The following ZNF362 variants were observed in gnomAD, a reference collection of about 807,000 sequenced individuals.
ZNF362 encodes zinc finger protein 362, also known as rotund homolog.
In ZNF362, 11 loss-of-function variants were observed where a neutral mutation model predicts 42.9. The observed-to-expected ratio is 0.26, with a 90% CI of 0.16 to 0.42. The LOEUF (loss-of-function observed/expected upper bound fraction) is 0.42. Among genes scored for constraint, ZNF362 ranks in the 20% least tolerant of loss-of-function variants. The probability of loss-of-function intolerance (pLI) is 1.00; values close to 1 mark genes in which losing one functional copy is unlikely to be tolerated. For synonymous variants in ZNF362, 255 were observed against 257.3 expected, an observed-to-expected ratio of 0.99 and a Z score of 0.09; for missense variants, 362 against 576.2, an observed-to-expected ratio of 0.63 and a Z score of 3.81.
At chr1:33,232,187 G>C in the ZNF362 span, among the ~76,000 whole-genome samples, 23 of 152,254 alleles carry the variant, frequency 1.5e-4, no homozygotes, top group Admixed American at 1.3e-3. Flanking sequence ...AGCCAATACT[G>C]GTCAATGGGA....
At chr1:33,158,746 C>T in the ZNF362 span, among the ~76,000 whole-genome samples, 1 of 152,194 alleles carries the variant, frequency 6.6e-6, no homozygotes, top group Non-Finnish European at 1.5e-5. Flanking sequence ...GATTTGGGGT[C>T]ACAGAGACCT....
chr1:33,135,180 T>C, the ZNF362 span, among the ~76,000 whole-genome samples: 1 of 152,148 alleles, frequency 6.6e-6, no homozygotes, highest in African/African-American at 2.4e-5. Flanking sequence ...ATCCCAGCTA[T>C]TTGGGAGGCT....
At chr1:33,186,674 C>T in the ZNF362 span, among the ~76,000 whole-genome samples, 43 of 144,296 alleles carry the variant, frequency 3.0e-4, no homozygotes, top group Non-Finnish European at 5.1e-4. Flanking sequence ...GGCGTGGTGG[C>T]GGGTGCTTGT....
At chr1:33,129,977 A>G in the ZNF362 span, among the ~76,000 whole-genome samples, 1 of 152,132 alleles carries the variant, frequency 6.6e-6, no homozygotes, top group Non-Finnish European at 1.5e-5. The surrounding 1 kb of genome is among the most constrained non-coding windows in gnomAD (Gnocchi z 4.1). Flanking sequence ...CTCCTGCCTC[A>G]GCCTCCCGAG....
At chr1:33,189,684 C>CGT in the ZNF362 span, among the ~76,000 whole-genome samples, 15 of 20,490 alleles carry the variant, frequency 7.3e-4, no homozygotes, top group Admixed American at 2.7e-3. Flanking sequence ...TATATATATA[C>CGT]GTATATATAT....
chr1:33,296,642 A>AG, intron 8 of ZNF362, among the ~76,000 whole-genome samples: 1 of 72,916 alleles, frequency 1.4e-5, no homozygotes, highest in Middle Eastern at 9.8e-3. Flanking sequence ...GAGGAGAAAG[A>AG]GGGGAAAGAA....
chr1:33,299,858 C>G lies in ZNF362; in HGVS notation c.*812C>G, dbSNP rs1646154270. ...CGGCTACCTCTCCCACCATCCCAGA[C>G]TGTGGGCAGGGGGATGGGGAGGGAG... On this transcript the variant is annotated 3_prime_UTR_variant, in exon 9 of 9. Transcript: ENST00000539719. 6.5e-6 allele frequency: 1 copy of G among 152,826 alleles called. No homozygotes were observed. Among genetic ancestry groups the G allele is most frequent in the African/African-American group, 2.4e-5 (1 of 41,462 alleles). 9.5% of individuals were successfully genotyped at this position (152,826 alleles called of 1,614,324 possible).
chr1:33,257,078 T>C (rs1645798260), intron 1 of ZNF362, among the ~76,000 whole-genome samples: 1 of 152,210 alleles, frequency 6.6e-6, no homozygotes, highest in East Asian at 1.9e-4. Context: ...GAGCAGCCAG[T>C]GCCGGATTTC....
intron 6 of ZNF362, among the ~76,000 whole-genome samples, chr1:33,288,139 A>G (rs766163945): frequency 6.6e-6 from 1 of 152,222 alleles, no homozygotes; most frequent in African/African-American, 2.4e-5. Flanking sequence ...CTTATAGTCT[A>G]TTATCCCCAT....
At chr1:33,210,311 C>G in the ZNF362 span, among the ~76,000 whole-genome samples, 3 of 152,090 alleles carry the variant, frequency 2.0e-5, no homozygotes, top group South Asian at 6.2e-4. Flanking sequence ...AATTTCTGTT[C>G]TTTTACATTT....
At chr1:33,277,630 T>G in intron 4 of ZNF362, among the ~76,000 whole-genome samples, 1 of 151,488 alleles carries the variant, frequency 6.6e-6, no homozygotes, top group Non-Finnish European at 1.5e-5. Flanking sequence ...GCCGTGGTAG[T>G]GGGAATGGAG....
chr1:33,215,695 G>C, the ZNF362 span, among the ~76,000 whole-genome samples: 4 of 152,002 alleles, frequency 2.6e-5, no homozygotes, highest in Admixed American at 2.6e-4. Flanking sequence ...TAAAAATTCT[G>C]TACCCTGGTA....
At chr1:33,132,156 G>A in the ZNF362 span, among the ~76,000 whole-genome samples, 1 of 152,110 alleles carries the variant, frequency 6.6e-6, no homozygotes, top group Non-Finnish European at 1.5e-5. Flanking sequence ...CAGCTGCTAC[G>A]GCTATGGGAA....
chr1:33,201,279 T>C, the ZNF362 span, among the ~76,000 whole-genome samples: 267 of 152,320 alleles, frequency 1.8e-3, no homozygotes, highest in Non-Finnish European at 3.0e-3. Flanking sequence ...AACAATACTG[T>C]CAGCCAACTT....
upstream of ZNF362, among the ~76,000 whole-genome samples, chr1:33,252,401 T>C (rs1172664180): frequency 1.3e-5 from 2 of 151,826 alleles, no homozygotes; most frequent in South Asian, 2.1e-4. Context: ...AAAAACCATC[T>C]ATTCTCTTTT....
At chr1:33,193,206 G>C in the ZNF362 span, among the ~76,000 whole-genome samples, 1 of 152,198 alleles carries the variant, frequency 6.6e-6, no homozygotes, top group Non-Finnish European at 1.5e-5. Context: ...AGCTAGGAAA[G>C]AGTCACCTGG....
chr1:33,239,603 G>A, the ZNF362 span, among the ~76,000 whole-genome samples: 2 of 152,148 alleles, frequency 1.3e-5, no homozygotes, highest in African/African-American at 4.8e-5. Context: ...CTGCTTCACG[G>A]GGGCGCAGGA....
intron 8 of ZNF362, 102 bp downstream of exon 8, chr1:33,295,407 T>C: frequency 1.6e-6 from 2 of 1,218,902 alleles, no homozygotes; most frequent in Admixed American, 2.9e-5. Flanking sequence ...CTTCCCATTT[T>C]CCAGACAAAT....
Position 33,295,320 on chromosome 1 carries a change from G to C in ZNF362, c.1146+15G>C. On this transcript the variant is annotated intron_variant, in intron 8 of 8. Coordinates refer to ENST00000539719, the MANE Select transcript of ZNF362 (RefSeq NM_152493.3). The stretch of plus-strand genomic sequence containing the variant: ...CCTACACCTCGGTGAGTGCCGGTCG[G>C]CCTGTGCCCTGCCCCGGGGGAGCCA... 1 of 1,612,008 alleles carries C rather than the reference G, an allele frequency of 6.2e-7. No individual in the cohort carries two copies.
Sources: gnomAD v4.1 joint callset for allele counts (sites outside exome capture counted in the v4.1 genomes callset) on GRCh38, gnomAD v4.1.1 for gene constraint, Gnocchi (gnomAD v3.1) non-coding constraint, MANE v1.5 for transcripts, NCBI Gene and HGNC (gene_info 2026-07-23, HGNC 2026-07-21) for gene names.